GRXCR1: variants seen among roughly 807,000 people sequenced by gnomAD.
GRXCR1 encodes glutaredoxin domain-containing cysteine-rich protein 1.
GRXCR1 carries 27 observed loss-of-function variants against 27.3 expected under a neutral mutation model. That is an observed-to-expected ratio of 0.99 (90% CI 0.73 to 1.37). GRXCR1 has a LOEUF of 1.37. Ranked by LOEUF, GRXCR1 falls within the 40% of genes most tolerant of loss-of-function variation. GRXCR1 has a pLI of 0.00. For missense variants in GRXCR1, 379 were observed against 354.4 expected, an observed-to-expected ratio of 1.07 and a Z score of -0.56; for synonymous variants, 122 against 131.1, an observed-to-expected ratio of 0.93 and a Z score of 0.47.
chr4:42,959,485 A>T (rs1748082041), intron 1 of GRXCR1, among the ~76,000 whole-genome samples: 1 of 151,880 alleles, frequency 6.6e-6, no homozygotes, highest in South Asian at 2.1e-4. Context: ...CCACATGAGG[A>T]TTATAGTTAA....
chr4:42,910,049 A>G (rs1183963918), intron 1 of GRXCR1, among the ~76,000 whole-genome samples: 1 of 152,162 alleles, frequency 6.6e-6, no homozygotes, highest in African/African-American at 2.4e-5. Flanking sequence ...GGCCTCAGGA[A>G]GCTTACAATC....
chr4:42,921,484 C>T (rs1176652863), intron 1 of GRXCR1, among the ~76,000 whole-genome samples: 1 of 152,022 alleles, frequency 6.6e-6, no homozygotes, highest in Non-Finnish European at 1.5e-5. Flanking sequence ...GCAGGAAATA[C>T]TATGATGGCA....
chr4:42,931,625 T>C (rs1474113821), intron 1 of GRXCR1, among the ~76,000 whole-genome samples: 2 of 151,952 alleles, frequency 1.3e-5, no homozygotes, highest in Non-Finnish European at 2.9e-5. Context: ...TATATATATT[T>C]ATTTTGTACA....
At chr4:42,974,332 CACTGGTTTGAAGG>C (rs1276752865) in intron 2 of GRXCR1, among the ~76,000 whole-genome samples, 1 of 152,044 alleles carries the variant, frequency 6.6e-6, no homozygotes, top group East Asian at 1.9e-4. Context: ...TCAGTAGTTT[CACTGGTTTGAAGG>C]ACCTGAAAGA....
intron 1 of GRXCR1, among the ~76,000 whole-genome samples, chr4:42,944,191 T>A (rs1577915368): frequency 6.6e-6 from 1 of 152,056 alleles, no homozygotes; most frequent in African/African-American, 2.4e-5. Flanking sequence ...GACTACAGGG[T>A]CTGGTAGAAG....
intron 1 of GRXCR1, among the ~76,000 whole-genome samples, chr4:42,948,380 T>C (rs1747797092): frequency 6.6e-6 from 1 of 152,176 alleles, no homozygotes; most frequent in South Asian, 2.1e-4. Flanking sequence ...ATTTCTTCAG[T>C]AGCATCTTGG....
At chr4:42,994,446 T>C (rs139065873) in intron 2 of GRXCR1, among the ~76,000 whole-genome samples, 307 of 152,268 alleles carry the variant, frequency 2.0e-3, no homozygotes, top group African/African-American at 7.0e-3. Context: ...ACCCATGCCT[T>C]ACTCTGCTGC....
chr4:42,936,687 A>AT (rs1182068988), intron 1 of GRXCR1, among the ~76,000 whole-genome samples: 1 of 151,478 alleles, frequency 6.6e-6, no homozygotes, highest in Non-Finnish European at 1.5e-5. Flanking sequence ...TATTTCATTC[A>AT]TTTTCTCAGG....
chr4:42,960,116 G>A (rs1748098409), intron 1 of GRXCR1, among the ~76,000 whole-genome samples: 1 of 151,980 alleles, frequency 6.6e-6, no homozygotes, highest in African/African-American at 2.4e-5. Flanking sequence ...TGTTCTATAA[G>A]ATTCAGAGAG....
Position 42,932,577 on chromosome 4 carries a change from CATATATATAT to C in GRXCR1, c.385-30281_385-30272del, listed in dbSNP as rs3072802. On this transcript the variant is annotated intron_variant, in intron 1 of 3. Coordinates refer to ENST00000399770, the MANE Select transcript of GRXCR1 (RefSeq NM_001080476.3). ...TGAGTGTTTCTCTTAAACTCCCTTC[CATATATATAT>C]ATATATATATATATATATATATATA... Among the ~76,000 whole-genome samples the C allele has an allele frequency of 3.6e-3, 104 of 28,656 alleles. 2 individuals carry two copies. The highest frequency in any genetic ancestry group is 7.7e-3 in the Admixed American group (13 of 1,684). The allele number at this position is 28,656 out of a possible 152,430, so 18.8% of individuals were successfully genotyped here.
At chr4:43,018,599 C>T (rs1713004884) in intron 2 of GRXCR1, among the ~76,000 whole-genome samples, 1 of 151,996 alleles carries the variant, frequency 6.6e-6, no homozygotes, top group South Asian at 2.1e-4. Context: ...AAGAAAAGAG[C>T]CAGGTAGGAG....
At chr4:42,970,594 G>T (rs2109779070) in intron 2 of GRXCR1, among the ~76,000 whole-genome samples, 1 of 152,270 alleles carries the variant, frequency 6.6e-6, no homozygotes, top group South Asian at 2.1e-4. Context: ...CAAAGCTGGA[G>T]CTGGAGTTGC....
chr4:42,905,314 G>T (rs1746560361), intron 1 of GRXCR1, among the ~76,000 whole-genome samples: 1 of 152,186 alleles, frequency 6.6e-6, no homozygotes, highest in Non-Finnish European at 1.5e-5. Context: ...CTGTCATCCT[G>T]AAAGCCTTGC....
chr4:42,948,481 G>C (rs1374056814), intron 1 of GRXCR1, among the ~76,000 whole-genome samples: 1 of 152,084 alleles, frequency 6.6e-6, no homozygotes, highest in Non-Finnish European at 1.5e-5. Flanking sequence ...ATCAGATTGT[G>C]TTTCTAGAGC....
intron 1 of GRXCR1, among the ~76,000 whole-genome samples, chr4:42,919,615 A>G (rs939934324): frequency 2.0e-5 from 3 of 152,096 alleles, no homozygotes; most frequent in Non-Finnish European, 2.9e-5. Context: ...ATACATTTGG[A>G]TGATACAAAA....
chr4:43,014,018 A>T (rs1245778107), intron 2 of GRXCR1, among the ~76,000 whole-genome samples: 1 of 150,064 alleles, frequency 6.7e-6, no homozygotes, highest in Non-Finnish European at 1.5e-5. Flanking sequence ...TTTGGCAGGC[A>T]TTTTCTGACA....
At chr4:42,928,001 G>GT (rs1747212638) in intron 1 of GRXCR1, among the ~76,000 whole-genome samples, 1 of 151,960 alleles carries the variant, frequency 6.6e-6, no homozygotes, top group Non-Finnish European at 1.5e-5. Context: ...GCTCAATCCT[G>GT]TATAGAACAC....
At chr4:42,931,950 C>T (rs1394512336) in intron 1 of GRXCR1, among the ~76,000 whole-genome samples, 1 of 151,852 alleles carries the variant, frequency 6.6e-6, no homozygotes, top group Non-Finnish European at 1.5e-5. Context: ...TACATGGTGG[C>T]CGGCAATAGA....
At chr4:42,987,667 CT>C (rs1382451691) in intron 2 of GRXCR1, among the ~76,000 whole-genome samples, 3 of 152,056 alleles carry the variant, frequency 2.0e-5, no homozygotes, top group African/African-American at 4.8e-5. Flanking sequence ...GAGAACAAAC[CT>C]TTGCTATACC....
Sources: gnomAD v4.1 joint callset for allele counts (sites outside exome capture counted in the v4.1 genomes callset) on GRCh38, gnomAD v4.1.1 for gene constraint, MANE v1.5 for transcripts, NCBI Gene and HGNC (gene_info 2026-07-23, HGNC 2026-07-21) for gene names.